Variants in BRINP1 observed in about 807,000 individuals in gnomAD.
BRINP1 encodes the protein BMP/retinoic acid-inducible neural-specific protein 1.
In BRINP1, 17 loss-of-function variants were observed where a neutral mutation model predicts 72.9. The observed-to-expected ratio is 0.23, with a 90% CI of 0.16 to 0.35. BRINP1 has a LOEUF of 0.35. Ranked by LOEUF, BRINP1 falls within the 10% of genes least tolerant of loss-of-function variation. The pLI is 1.00. For missense variants in BRINP1, 850 were observed against 1,001.6 expected (o/e 0.85, Z 2.04); for synonymous variants, 418 against 378.5 (o/e 1.10, Z -1.21).
chr9:119,188,264 T>C (rs1282942694), intron 7 of BRINP1, among the ~76,000 whole-genome samples: 2 of 152,132 alleles, frequency 1.3e-5, no homozygotes, highest in Non-Finnish European at 2.9e-5. Context: ...ACAAGGCACA[T>C]TATAATCAAA....
chr9:119,283,678 G>A (rs1830734016), intron 2 of BRINP1, among the ~76,000 whole-genome samples: 1 of 152,088 alleles, frequency 6.6e-6, no homozygotes, highest in South Asian at 2.1e-4. Flanking sequence ...GATTACAGGC[G>A]TGGGCCACCA....
At position 119,167,290 on chromosome 9, in the gene BRINP1, G is replaced by A. The variant is rs1339344037; in HGVS notation, c.2080C>T (p.Leu694Phe). Residue 694 changes from leucine to phenylalanine, a missense_variant, in exon 8 of 8, where the codon CTC becomes TTC. Coordinates refer to ENST00000265922, the MANE Select transcript of BRINP1 (RefSeq NM_014618.3). The surrounding 1 kb of genome is among the most constrained non-coding windows in gnomAD (Gnocchi z 4.3). Reference sequence around the variant, plus strand: ...CGGTCCCGAATATCCAACAAGAGGAGCATCACTGACGAAGAGGAATAGAAC... The same window carrying A: ...CGGTCCCGAATATCCAACAAGAGGAACATCACTGACGAAGAGGAATAGAAC... ...GQFYSSSSVMLLLLDIRDRIN... is the reference protein window; with the variant it reads ...GQFYSSSSVMFLLLDIRDRIN... 6.2e-7 allele frequency: 1 copy of A among 1,614,174 alleles called. No homozygotes were observed. Among genetic ancestry groups the A allele is most frequent in the Admixed American group, 1.7e-5 (1 of 60,030 alleles).
chr9:119,281,831 G>A (rs185256090), intron 2 of BRINP1, among the ~76,000 whole-genome samples: 23 of 152,186 alleles, frequency 1.5e-4, no homozygotes, highest in African/African-American at 5.5e-4. Flanking sequence ...CACATAGATT[G>A]TTTTCATTCT....
intron 5 of BRINP1, among the ~76,000 whole-genome samples, chr9:119,235,300 G>T (rs765391424): frequency 6.6e-6 from 1 of 152,258 alleles, no homozygotes; most frequent in South Asian, 2.1e-4. Flanking sequence ...TCTAGGACTT[G>T]AAAGATTATC....
chr9:119,310,505 G>A (rs1265956862), intron 2 of BRINP1, among the ~76,000 whole-genome samples: 1 of 152,200 alleles, frequency 6.6e-6, no homozygotes, highest in Non-Finnish European at 1.5e-5. Flanking sequence ...GCCAGCCTCT[G>A]TGTACAAATG....
At chr9:119,310,003 G>T (rs905376835) in intron 2 of BRINP1, among the ~76,000 whole-genome samples, 1 of 152,084 alleles carries the variant, frequency 6.6e-6, no homozygotes, top group Admixed American at 6.6e-5. Flanking sequence ...GCTCCAGAAT[G>T]AACAAAACCT....
intron 7 of BRINP1, among the ~76,000 whole-genome samples, chr9:119,178,915 A>AAAGT (rs1162536394): frequency 1.3e-5 from 2 of 152,202 alleles, no homozygotes; most frequent in African/African-American, 4.8e-5. Context: ...AAAAATACTG[A>AAAGT]AAGTTTGAGC....
At chr9:119,249,558 C>T (rs1420953537) in intron 2 of BRINP1, among the ~76,000 whole-genome samples, 1 of 152,020 alleles carries the variant, frequency 6.6e-6, no homozygotes, top group Non-Finnish European at 1.5e-5. Context: ...CCAAGAATAT[C>T]ATGTCTAAGT....
chr9:119,341,800 A>G (rs1263615979), intron 1 of BRINP1, among the ~76,000 whole-genome samples: 1 of 152,116 alleles, frequency 6.6e-6, no homozygotes, highest in African/African-American at 2.4e-5. Context: ...GTCTCACTCT[A>G]TCACGTATGT....
intron 2 of BRINP1, among the ~76,000 whole-genome samples, chr9:119,299,315 A>G (rs540743408): frequency 1.5e-4 from 23 of 152,266 alleles, no homozygotes; most frequent in African/African-American, 5.5e-4. Context: ...GTTTCCACAT[A>G]TAAGTGAGTA....
intron 2 of BRINP1, among the ~76,000 whole-genome samples, chr9:119,272,447 C>T (rs1206930256): frequency 6.6e-6 from 1 of 152,026 alleles, no homozygotes; most frequent in Non-Finnish European, 1.5e-5. Context: ...CCTGCACATC[C>T]ATATTGAAAT....
intron 1 of BRINP1, among the ~76,000 whole-genome samples, chr9:119,328,873 C>T (rs897464199): frequency 1.3e-5 from 2 of 151,940 alleles, no homozygotes; most frequent in Admixed American, 1.3e-4. Context: ...AAGGACAAAA[C>T]AAAAACAAAC....
At chr9:119,172,807 A>G (rs149647369) in intron 7 of BRINP1, among the ~76,000 whole-genome samples, 17,875 of 150,984 alleles carry the variant, frequency 0.12, 3,142 homozygotes, top group African/African-American at 0.38. Flanking sequence ...TTCATCCCTC[A>G]GATGCAAGGC....
At chr9:119,332,800 C>G (rs1831312670) in intron 1 of BRINP1, among the ~76,000 whole-genome samples, 1 of 152,136 alleles carries the variant, frequency 6.6e-6, no homozygotes, top group Non-Finnish European at 1.5e-5. Context: ...GTCAGCTGGC[C>G]CTAGCTGCCC....
chr9:119,171,322 G>A (rs1829407838), intron 7 of BRINP1, among the ~76,000 whole-genome samples: 1 of 131,050 alleles, frequency 7.6e-6, no homozygotes, highest in African/African-American at 3.0e-5. Flanking sequence ...AAAAGGCAGG[G>A]GTTGCAATCC....
intron 7 of BRINP1, among the ~76,000 whole-genome samples, chr9:119,201,271 A>T (rs550168766): frequency 2.0e-4 from 31 of 152,158 alleles, no homozygotes; most frequent in Non-Finnish European, 4.6e-4. Context: ...AAATTGACTA[A>T]TTAGCATCAT....
chr9:119,180,474 T>C (rs369431800), intron 7 of BRINP1, among the ~76,000 whole-genome samples: 158 of 98,764 alleles, frequency 1.6e-3, no homozygotes, highest in African/African-American at 0.011. Context: ...TGACTCTCTC[T>C]GTGCATGTGT....
chr9:119,243,273 A>T (rs1316803209), intron 3 of BRINP1, among the ~76,000 whole-genome samples: 1 of 152,082 alleles, frequency 6.6e-6, no homozygotes, highest in African/African-American at 2.4e-5. Context: ...ATGTGTTCTC[A>T]TCATTCAGCT....
At chr9:119,204,695 T>C (rs1197709845) in intron 7 of BRINP1, among the ~76,000 whole-genome samples, 1 of 152,230 alleles carries the variant, frequency 6.6e-6, no homozygotes, top group African/African-American at 2.4e-5. Flanking sequence ...TTTTAACTGA[T>C]TCAGGCACTT....
Sources: gnomAD v4.1 joint callset for allele counts (sites outside exome capture counted in the v4.1 genomes callset) on GRCh38, gnomAD v4.1.1 for gene constraint, Gnocchi (gnomAD v3.1) non-coding constraint, MANE v1.5 for transcripts, NCBI Gene and HGNC (gene_info 2026-07-23, HGNC 2026-07-21) for gene names.